SLC2A6: variants seen among roughly 807,000 people sequenced by gnomAD.
SLC2A6 encodes solute carrier family 2 member 6.
A neutral mutation model predicts 47.8 loss-of-function variants in SLC2A6; 39 were observed. That is an observed-to-expected ratio of 0.82 (90% CI 0.63 to 1.07). The LOEUF (loss-of-function observed/expected upper bound fraction) is 1.07. SLC2A6 is among the 50% of genes least tolerant of loss of function. SLC2A6 has a pLI of 0.00. For synonymous variants in SLC2A6, 346 were observed against 324.1 expected (o/e 1.07, Z -0.73); for missense variants, 650 against 707.6 (o/e 0.92, Z 0.92).
intron 3 of SLC2A6, 135 bp downstream of exon 3, chr9:133,476,900 G>A (rs1843975182): frequency 1.4e-5 from 14 of 984,866 alleles, no homozygotes; most frequent in South Asian, 6.1e-5. Context: ...GAGCTGAGGC[G>A]CCCTGGGCAT....
rs950911642 is a variant in SLC2A6, at chr9:133,475,420, G to A, written c.754C>T (p.Gln252Ter). ...TGCACCTGTCTCCGGACGTTGTCCT[G>A]GATCTGCTCGAACTCCCAGTGGACA... Reference protein sequence around the residue: ...VDVHWEFEQIQDNVRRQSSRV... With the variant: ...VDVHWEFEQI The change falls in exon 5 of 10, where the codon CAG becomes TAG. Residue 252 changes from glutamine (Q) to a stop codon, truncating the protein, a stop_gained. Transcript: ENST00000371899. LOFTEE classifies it high-confidence loss of function. 7 of 1,607,126 alleles carry A rather than the reference G, an allele frequency of 4.4e-6. No individual in the cohort carries two copies. Among genetic ancestry groups the A allele is most frequent in the African/African-American group, 2.7e-5 (2 of 74,852 alleles).
intron 6 of SLC2A6, 70 bp downstream of exon 6, chr9:133,474,891 C>CT: frequency 2.8e-6 from 4 of 1,413,176 alleles, no homozygotes; most frequent in Non-Finnish European, 3.7e-6. Context: ...AGGAGCAGGC[C>CT]CTGCCTCCCC....
chr9:133,473,022 C>T, intron 9 of SLC2A6, 83 bp downstream of exon 9: 1 of 1,452,824 alleles, frequency 6.9e-7, no homozygotes, highest in South Asian at 1.4e-5. Flanking sequence ...GACAGCAGGC[C>T]TTGGCACAGC....
chr9:133,478,430 C>T lies in SLC2A6; in HGVS notation c.93-14G>A, dbSNP rs1442299305. The T allele has an allele frequency of 4.6e-5, 74 of 1,613,108 alleles. No homozygotes were observed. The highest frequency in any genetic ancestry group is 1.6e-4 in the Middle Eastern group (1 of 6,066). On this transcript the variant is annotated splice_polypyrimidine_tract_variant and intron_variant, in intron 1 of 9. Coordinates refer to ENST00000371899, the MANE Select transcript of SLC2A6 (RefSeq NM_017585.4). Reference sequence around the variant, plus strand: ...TTCTGCAGGGTCCTGGTGATGGTGGCGGACAAAAAGACCAGGGTCTCTGAG... The same window carrying T: ...TTCTGCAGGGTCCTGGTGATGGTGGTGGACAAAAAGACCAGGGTCTCTGAG...
intron 3 of SLC2A6, 83 bp from the exon 4 acceptor site, chr9:133,476,419 G>T: frequency 8.2e-7 from 1 of 1,223,530 alleles, no homozygotes; most frequent in Non-Finnish European, 1.2e-6. Context: ...CAGCCCCTGT[G>T]AACCCCGGAA....
At chr9:133,474,527 C>T (rs1004248707) in intron 6 of SLC2A6, among the ~76,000 whole-genome samples, 2 of 152,136 alleles carry the variant, frequency 1.3e-5, no homozygotes, top group Admixed American at 1.3e-4. Flanking sequence ...AAGGGGTCCA[C>T]GTTTCTATAA....
intron 8 of SLC2A6, 27 bp downstream of exon 8, chr9:133,473,387 TG>T (rs945977504): frequency 6.4e-7 from 1 of 1,560,858 alleles, no homozygotes; most frequent in Non-Finnish European, 8.7e-7. Context: ...CAAGACAGCC[TG>T]CCCCTCTGAG....
At chr9:133,472,249 CGCT>C in intron 9 of SLC2A6, 73 bp from the exon 10 acceptor site, 1 of 1,564,504 alleles carries the variant, frequency 6.4e-7, no homozygotes, top group Non-Finnish European at 8.7e-7. Flanking sequence ...AGCTCGTGGG[CGCT>C]GCTGGTAGTG....
Position 133,472,008 on chromosome 9 carries a change from C to T in SLC2A6, c.*13G>A, listed in dbSNP as rs374577818. ...CACTGGGGGTTTGGCCCCCTCCAGG[C>T]GGGGACCTTGACCTAGCGCAAGAAG... On this transcript the variant is annotated 3_prime_UTR_variant, in exon 10 of 10. Coordinates refer to ENST00000371899, the MANE Select transcript of SLC2A6 (RefSeq NM_017585.4). 7.5e-5 allele frequency: 121 copies of T among 1,608,634 alleles called. No homozygotes were observed. In the Middle Eastern group the frequency reaches 4.0e-3, roughly 53 times the overall value.
intron 1 of SLC2A6, 147 bp downstream of exon 1, chr9:133,478,821 G>T (rs587667925): frequency 1.6e-5 from 11 of 673,040 alleles, no homozygotes; most frequent in Non-Finnish European, 2.7e-5. Context: ...TTAAATAGGA[G>T]TAGCGTGTCT....
chr9:133,472,267 G>T (rs1435482215), intron 9 of SLC2A6, 91 bp from the exon 10 acceptor site: 8 of 1,420,640 alleles, frequency 5.6e-6, no homozygotes, highest in Non-Finnish European at 5.8e-6. Flanking sequence ...GTAGTGACCA[G>T]CCCTGTGGGG....
At chr9:133,477,560 G>A (rs1232848534) in intron 2 of SLC2A6, among the ~76,000 whole-genome samples, 1 of 152,194 alleles carries the variant, frequency 6.6e-6, no homozygotes, top group African/African-American at 2.4e-5. Flanking sequence ...TTAAGATTTG[G>A]AGGTTCTTAA....
Position 133,471,640 on chromosome 9 carries a change from A to G in SLC2A6, c.*381T>C, listed in dbSNP as rs1298760933. 1.1e-5 allele frequency: 2 copies of G among 185,280 alleles called. No homozygotes were observed. The highest frequency in any genetic ancestry group is 2.2e-5 in the Non-Finnish European group (2 of 88,990). 11.5% of individuals were successfully genotyped at this position (185,280 alleles called of 1,614,324 possible). Reference sequence around the variant, plus strand: ...CAGATCAGAGCGCGATGATATGACTACGTTACTTGGCTGCCTCCAGCCCTG... The same window carrying G: ...CAGATCAGAGCGCGATGATATGACTGCGTTACTTGGCTGCCTCCAGCCCTG... On this transcript the variant is annotated 3_prime_UTR_variant, in exon 10 of 10. Transcript: ENST00000371899.
chr9:133,478,541 CATTCACGT>C, intron 1 of SLC2A6, 125 bp from the exon 2 acceptor site: 4 of 1,058,286 alleles, frequency 3.8e-6, no homozygotes, highest in Non-Finnish European at 5.5e-6. Flanking sequence ...GGTCCAAGGC[CATTCACGT>C]TCCCAGGGCC....
chr9:133,478,496 C>G lies in SLC2A6; in HGVS notation c.93-80G>C, dbSNP rs587641714. 10 of 1,540,052 alleles carry G rather than the reference C, an allele frequency of 6.5e-6. No homozygotes were observed. In the African/African-American group the frequency reaches 1.4e-4, roughly 21 times the overall value. On this transcript the variant is annotated intron_variant, in intron 1 of 9. Coordinates refer to ENST00000371899, the MANE Select transcript of SLC2A6 (RefSeq NM_017585.4). ...CCATTGCCTTTTCTGAACCCAGTGG[C>G]TGCCCGGCTCAGCGGGCAGTGCTAG...
chr9:133,478,883 C>T (rs1554804097), intron 1 of SLC2A6, 85 bp downstream of exon 1: 27 of 1,270,226 alleles, frequency 2.1e-5, no homozygotes, highest in Non-Finnish European at 2.8e-5. Flanking sequence ...TCAGGGGAGG[C>T]CCAGGGCGGG....
At position 133,475,565 on chromosome 9, in the gene SLC2A6, A is replaced by C. The variant is rs1554803116; in HGVS notation, c.609T>G (p.Pro203=). The C allele has an allele frequency of 1.2e-6, 2 of 1,608,422 alleles. No individual in the cohort carries two copies. The highest frequency in any genetic ancestry group is 8.5e-7 in the Non-Finnish European group (1 of 1,179,012). Residue 203 remains proline (P), a synonymous_variant, in exon 5 of 10, where the codon CCT becomes CCG. Transcript: ENST00000371899. ...WRWLAVAGEA[P]VLIMILLLSF... ...TGAGCAGCAGGATCATGATGAGCAC[A>C]GGCGCCTCCCCGGCCACAGCCAGCC...
chr9:133,474,644 G>C (rs1026207933), intron 6 of SLC2A6, among the ~76,000 whole-genome samples: 2 of 152,224 alleles, frequency 1.3e-5, no homozygotes, highest in African/African-American at 4.8e-5. Context: ...GCAGTGGTGA[G>C]ATCGTGGCCA....
intron 9 of SLC2A6, 29 bp downstream of exon 9, chr9:133,473,076 G>A (rs935644434): frequency 1.3e-6 from 2 of 1,587,080 alleles, no homozygotes; most frequent in Non-Finnish European, 1.7e-6. Context: ...GAGGGCCTAG[G>A]GGCCTGGGGC....
Sources: allele counts gnomAD v4.1 joint callset (sites outside exome capture counted in the v4.1 genomes callset), GRCh38; gene constraint gnomAD v4.1.1; transcripts MANE v1.5; gene names NCBI Gene and HGNC (gene_info 2026-07-23, HGNC 2026-07-21).